The following RANBP2 variants were observed in gnomAD, a reference collection of about 807,000 sequenced individuals.
The protein encoded by RANBP2 is E3 SUMO-protein ligase RanBP2.
Under a neutral mutation model 303.6 loss-of-function variants are expected in RANBP2, and 57 were observed. The observed-to-expected ratio is 0.19, with a 90% CI of 0.15 to 0.23. RANBP2 has a LOEUF of 0.23. Among genes scored for constraint, RANBP2 ranks in the 10% least tolerant of loss-of-function variants. The pLI, the probability that RANBP2 is intolerant of heterozygous loss-of-function variation, is 1.00. For synonymous variants in RANBP2, 1,167 were observed against 1,301.5 expected (o/e 0.90, Z 2.23); for missense variants, 3,138 against 3,780.8 (o/e 0.83, Z 4.46).
the RANBP2 span, among the ~76,000 whole-genome samples, chr2:109,296,869 A>G: frequency 6.6e-6 from 1 of 152,204 alleles, no homozygotes; most frequent in African/African-American, 2.4e-5. Context: ...CAGCACTGCT[A>G]TAGCATTGCC....
At chr2:109,086,363 G>A in the RANBP2 span, among the ~76,000 whole-genome samples, 8 of 152,274 alleles carry the variant, frequency 5.3e-5, no homozygotes, top group East Asian at 1.4e-3. Flanking sequence ...AATATTTCTC[G>A]ATTGCCATGC....
Position 108,767,377 on chromosome 2 carries a change from T to A in RANBP2, c.6838T>A (p.Ser2280Thr), listed in dbSNP as rs1358575564. ...TAAATCTGCTTTGAGTCCATCTAAGTCTCCTGCCAAGTTGAATCAGAGTGG... is the reference window on the plus strand; with the variant it reads ...TAAATCTGCTTTGAGTCCATCTAAGACTCCTGCCAAGTTGAATCAGAGTGG... ...SFKSALSPSK[S>T]PAKLNQSGTS... is the part of the protein sequence containing the mutation. The change falls in exon 20 of 29, where the codon TCT becomes ACT. Residue 2280 changes from serine to threonine, a missense_variant. Physicochemically the swap from Ser to Thr is moderately conservative, Grantham distance 58 (BLOSUM62 1). This residue lies in a region of RANBP2 where 72 missense variants were observed against 86.8 expected (regional missense o/e 0.83). Coordinates refer to ENST00000283195, the MANE Select transcript of RANBP2 (RefSeq NM_006267.5). 3 of 1,611,992 alleles carry A rather than the reference T, an allele frequency of 1.9e-6. No individual in the cohort carries two copies. The South Asian group carries it at 3.3e-5, about 18-fold the overall frequency.
intron 1 of RANBP2, among the ~76,000 whole-genome samples, chr2:108,721,447 A>G (rs1694237112): frequency 6.6e-6 from 1 of 151,832 alleles, no homozygotes; most frequent in South Asian, 2.1e-4. Context: ...TTTTTGTGTT[A>G]TTTTATTTTT....
chr2:109,182,480 C>A, the RANBP2 span, among the ~76,000 whole-genome samples: 1 of 152,302 alleles, frequency 6.6e-6, no homozygotes, highest in East Asian at 1.9e-4. Flanking sequence ...TATAGTGTCC[C>A]AGAAAGGTGT....
the RANBP2 span, among the ~76,000 whole-genome samples, chr2:109,688,781 T>TA: frequency 0.026 from 1,121 of 43,740 alleles, 77 homozygotes; most frequent in African/African-American, 0.033. Flanking sequence ...TCTGTCTCAA[T>TA]AAAAAAAAAA....
At chr2:109,240,077 G>A in the RANBP2 span, among the ~76,000 whole-genome samples, 1 of 152,192 alleles carries the variant, frequency 6.6e-6, no homozygotes, top group Admixed American at 6.5e-5. Flanking sequence ...TCTTATGTGA[G>A]TGAAGGCTGT....
the RANBP2 span, among the ~76,000 whole-genome samples, chr2:109,212,371 G>C: frequency 8.5e-5 from 13 of 152,180 alleles, no homozygotes; most frequent in African/African-American, 3.1e-4. Flanking sequence ...TGCTTTGGCT[G>C]GTTATACGTG....
At chr2:109,268,778 T>C in the RANBP2 span, among the ~76,000 whole-genome samples, 1 of 152,100 alleles carries the variant, frequency 6.6e-6, no homozygotes, top group Non-Finnish European at 1.5e-5. Flanking sequence ...TGATGTCGCC[T>C]ACTATAGGCT....
the RANBP2 span, among the ~76,000 whole-genome samples, chr2:109,200,395 C>G: frequency 6.6e-6 from 1 of 152,094 alleles, no homozygotes; most frequent in African/African-American, 2.4e-5. Flanking sequence ...TCTGCCTTGT[C>G]TTTCTCTCTT....
At chr2:109,283,497 A>G in the RANBP2 span, among the ~76,000 whole-genome samples, 9 of 152,254 alleles carry the variant, frequency 5.9e-5, no homozygotes, top group Admixed American at 2.0e-4. Context: ...GGTGTTGTCC[A>G]CAAAGGTCTC....
intron 25 of RANBP2, among the ~76,000 whole-genome samples, chr2:108,778,063 G>T (rs1004032475): frequency 1.4e-4 from 22 of 151,924 alleles, no homozygotes; most frequent in African/African-American, 4.1e-4. Context: ...TTTAATTTAT[G>T]AAATAGCCTG....
chr2:109,203,460 C>T, the RANBP2 span, among the ~76,000 whole-genome samples: 1 of 152,216 alleles, frequency 6.6e-6, no homozygotes, highest in Non-Finnish European at 1.5e-5. Flanking sequence ...ATGACATATT[C>T]TTTAAGTCGC....
the RANBP2 span, among the ~76,000 whole-genome samples, chr2:108,907,516 C>T: frequency 6.6e-6 from 1 of 151,912 alleles, no homozygotes; most frequent in Non-Finnish European, 1.5e-5. Context: ...GGTGTGGCAG[C>T]GTGCACCTGT....
chr2:109,257,051 T>G, the RANBP2 span, among the ~76,000 whole-genome samples: 1 of 152,158 alleles, frequency 6.6e-6, no homozygotes, highest in African/African-American at 2.4e-5. Flanking sequence ...TGTATGGCAT[T>G]TGAATGTCAT....
At chr2:109,662,931 A>AC in the RANBP2 span, among the ~76,000 whole-genome samples, 1 of 152,218 alleles carries the variant, frequency 6.6e-6, no homozygotes, top group African/African-American at 2.4e-5. Context: ...CTGTACTGCC[A>AC]CAGTGCTCCA....
chr2:109,403,321 C>T, the RANBP2 span, among the ~76,000 whole-genome samples: 1 of 152,204 alleles, frequency 6.6e-6, no homozygotes, highest in African/African-American at 2.4e-5. Flanking sequence ...GATCTCACCT[C>T]CTCTGTCCTG....
the RANBP2 span, among the ~76,000 whole-genome samples, chr2:109,145,630 C>G: frequency 6.6e-6 from 1 of 152,238 alleles, no homozygotes; most frequent in East Asian, 1.9e-4. Flanking sequence ...CCATGCGTTT[C>G]TAGACTCTCG....
At chr2:108,835,664 A>C in the RANBP2 span, among the ~76,000 whole-genome samples, 1 of 152,178 alleles carries the variant, frequency 6.6e-6, no homozygotes, top group Admixed American at 6.6e-5. Context: ...AAACATAAAA[A>C]ATTTATTATC....
At chr2:109,555,570 T>C in the RANBP2 span, among the ~76,000 whole-genome samples, 2 of 152,160 alleles carry the variant, frequency 1.3e-5, no homozygotes, top group Non-Finnish European at 2.9e-5. Flanking sequence ...TGCAGAATGT[T>C]AGCAAACTGA....
Sources: allele counts gnomAD v4.1 joint callset (sites outside exome capture counted in the v4.1 genomes callset), GRCh38; gene constraint gnomAD v4.1.1; regional missense constraint gnomAD v4.1.1; transcripts MANE v1.5; gene names NCBI Gene and HGNC (gene_info 2026-07-23, HGNC 2026-07-21).